Variants in SYN3 observed in about 807,000 individuals in gnomAD.
The protein encoded by SYN3 is synapsin-3.
In SYN3, 35 loss-of-function variants were observed where a neutral mutation model predicts 65.8. The observed-to-expected ratio is 0.53, with a 90% CI of 0.41 to 0.70. SYN3 has a LOEUF of 0.70. Ranked by LOEUF, SYN3 falls within the 30% of genes least tolerant of loss-of-function variation. The pLI, the probability that SYN3 is intolerant of heterozygous loss-of-function variation, is 0.00. For missense variants in SYN3, 680 were observed against 749.0 expected, an observed-to-expected ratio of 0.91 and a Z score of 1.08; for synonymous variants, 270 against 292.9, an observed-to-expected ratio of 0.92 and a Z score of 0.80.
intron 3 of SYN3, among the ~76,000 whole-genome samples, chr22:32,953,889 G>A (rs1601775018): frequency 6.6e-6 from 1 of 152,086 alleles, no homozygotes; most frequent in East Asian, 1.9e-4. Flanking sequence ...AGGGAGTCAA[G>A]TTTGAGAAAA....
chr22:32,986,226 T>C (rs1214785047), intron 2 of SYN3, among the ~76,000 whole-genome samples: 3 of 152,054 alleles, frequency 2.0e-5, no homozygotes, highest in South Asian at 2.1e-4. Context: ...TGGCACACCA[T>C]TGTAATACAG....
intron 7 of SYN3, among the ~76,000 whole-genome samples, chr22:32,544,904 G>A (rs2146262409): frequency 6.6e-6 from 1 of 152,294 alleles, no homozygotes; most frequent in Middle Eastern, 3.4e-3. Flanking sequence ...GTGTCTAGCT[G>A]TCCACAGCAT....
intron 6 of SYN3, among the ~76,000 whole-genome samples, chr22:32,699,936 A>G (rs904626959): frequency 6.6e-6 from 1 of 152,192 alleles, no homozygotes; most frequent in Non-Finnish European, 1.5e-5. Context: ...CTTTGAGGTC[A>G]TCGAATCCAA....
intron 2 of SYN3, among the ~76,000 whole-genome samples, chr22:33,005,284 G>T (rs2053167283): frequency 6.6e-6 from 1 of 152,158 alleles, no homozygotes; most frequent in Non-Finnish European, 1.5e-5. Flanking sequence ...AGCCATGTAT[G>T]AGTCCACTGT....
chr22:32,714,770 G>T (rs770449393), intron 6 of SYN3, among the ~76,000 whole-genome samples: 6 of 152,106 alleles, frequency 3.9e-5, no homozygotes, highest in Non-Finnish European at 7.4e-5. Context: ...TATGAAATTG[G>T]AAAAATTCTT....
chr22:32,617,601 T>C (rs1467389655), intron 6 of SYN3, among the ~76,000 whole-genome samples: 1 of 151,628 alleles, frequency 6.6e-6, no homozygotes, highest in African/African-American at 2.4e-5. Context: ...GGCTGAAAGG[T>C]AGATTTGGAG....
chr22:32,646,411 A>G (rs2059984352), intron 6 of SYN3, among the ~76,000 whole-genome samples: 1 of 152,052 alleles, frequency 6.6e-6, no homozygotes, highest in African/African-American at 2.4e-5. Flanking sequence ...ATCCACTTAC[A>G]TTTCTTGCAT....
intron 6 of SYN3, among the ~76,000 whole-genome samples, chr22:32,601,481 G>A (rs2059283008): frequency 1.3e-5 from 2 of 152,196 alleles, no homozygotes; most frequent in South Asian, 2.1e-4. Context: ...GTTTCACCGT[G>A]TTAGCCAGAA....
At chr22:32,762,609 C>T (rs2045513174) in intron 6 of SYN3, among the ~76,000 whole-genome samples, 1 of 142,936 alleles carries the variant, frequency 7.0e-6, no homozygotes, top group African/African-American at 2.6e-5. Context: ...TCCTAAAGGG[C>T]ATAAAGATGG....
At chr22:32,772,264 C>CTT (rs11398597) in intron 6 of SYN3, among the ~76,000 whole-genome samples, 92 of 135,974 alleles carry the variant, frequency 6.8e-4, no homozygotes, top group East Asian at 1.5e-3. Flanking sequence ...TTTTTCTTTT[C>CTT]TTTTTTTTTT....
intron 7 of SYN3, among the ~76,000 whole-genome samples, chr22:32,554,919 G>C (rs906443930): frequency 6.6e-6 from 1 of 152,194 alleles, no homozygotes; most frequent in South Asian, 2.1e-4. Flanking sequence ...ACGAAATGTG[G>C]ATAACTTGAA....
In SYN3 at chr22:32,513,589, G is replaced by A; in HGVS notation, c.*103C>T. 1 of 1,417,194 alleles carries A rather than the reference G, an allele frequency of 7.1e-7. No individual in the cohort carries two copies. Among genetic ancestry groups the A allele is most frequent in the Non-Finnish European group, 9.6e-7 (1 of 1,042,412 alleles). 87.8% of individuals were successfully genotyped at this position (1,417,194 alleles called of 1,614,324 possible). On this transcript the variant is annotated 3_prime_UTR_variant, in exon 14 of 14. Coordinates refer to ENST00000358763, the MANE Select transcript of SYN3 (RefSeq NM_003490.4). ...AGGCATTTAGAAAGTATGTTCTCAG[G>A]CCCTCCATTCTGTTCCCATCAGGAA...
At chr22:32,602,324 C>T (rs2146624705) in intron 6 of SYN3, among the ~76,000 whole-genome samples, 1 of 152,336 alleles carries the variant, frequency 6.6e-6, no homozygotes, top group East Asian at 1.9e-4. Context: ...AACACGTATG[C>T]ACGGATATGG....
chr22:32,749,584 T>C (rs1016736509), intron 6 of SYN3, among the ~76,000 whole-genome samples: 4 of 152,064 alleles, frequency 2.6e-5, no homozygotes, highest in Admixed American at 2.6e-4. Context: ...GGGGTTGCAG[T>C]GAGCCAAGAT....
intron 1 of SYN3, among the ~76,000 whole-genome samples, chr22:33,050,327 C>CA (rs2054142057): frequency 1.3e-5 from 2 of 151,674 alleles, no homozygotes; most frequent in Admixed American, 1.3e-4. Context: ...ACTAAAAATA[C>CA]AAAAAATTAG....
intron 12 of SYN3, among the ~76,000 whole-genome samples, chr22:32,524,641 A>G (rs2057944552): frequency 2.0e-5 from 3 of 152,238 alleles, no homozygotes; most frequent in African/African-American, 7.2e-5. Flanking sequence ...TTTTGTTTTC[A>G]TGCCTTTTAA....
intron 1 of SYN3, among the ~76,000 whole-genome samples, chr22:33,032,533 A>G (rs895669373): frequency 6.6e-6 from 1 of 152,174 alleles, no homozygotes; most frequent in African/African-American, 2.4e-5. Context: ...AAAGATCATT[A>G]GACTAACAAA....
At chr22:32,890,853 A>T (rs1433155904) in intron 4 of SYN3, among the ~76,000 whole-genome samples, 1 of 152,132 alleles carries the variant, frequency 6.6e-6, no homozygotes, top group East Asian at 1.9e-4. Flanking sequence ...ATGGATGCTC[A>T]TTTGGCTGGC....
intron 3 of SYN3, among the ~76,000 whole-genome samples, chr22:32,963,865 T>A (rs2051738181): frequency 6.6e-6 from 1 of 151,846 alleles, no homozygotes; most frequent in South Asian, 2.1e-4. Context: ...TTAAGACGAG[T>A]AATCAAAATC....
Sources: gnomAD v4.1 joint callset for allele counts (sites outside exome capture counted in the v4.1 genomes callset) on GRCh38, gnomAD v4.1.1 for gene constraint, MANE v1.5 for transcripts, NCBI Gene and HGNC (gene_info 2026-07-23, HGNC 2026-07-21) for gene names.